CELF4: variants seen among roughly 807,000 people sequenced by gnomAD.
CELF4 encodes CUG-BP- and ETR-3-like factor 4.
A neutral mutation model predicts 59.9 loss-of-function variants in CELF4; 18 were observed. The observed-to-expected ratio is 0.30, with a 90% confidence interval of 0.21 to 0.45. The LOEUF is 0.45. Ranked by LOEUF, CELF4 falls within the 20% of genes least tolerant of loss-of-function variation. CELF4 has a pLI of 1.00. For missense variants in CELF4, 456 were observed against 689.0 expected, an observed-to-expected ratio of 0.66 and a Z score of 3.79; for synonymous variants, 261 against 267.1, an observed-to-expected ratio of 0.98 and a Z score of 0.22.
intron 1 of CELF4, among the ~76,000 whole-genome samples, chr18:37,507,344 C>T (rs540982321): frequency 2.5e-3 from 381 of 152,260 alleles, no homozygotes; most frequent in African/African-American, 8.4e-3. Flanking sequence ...GGTTGTTATT[C>T]GGGACAGAAA....
chr18:37,322,864 C>A (rs1338712872), intron 2 of CELF4, among the ~76,000 whole-genome samples: 1 of 152,180 alleles, frequency 6.6e-6, no homozygotes, highest in Non-Finnish European at 1.5e-5. Flanking sequence ...GGGGCAGGTA[C>A]AAACACCCCC....
intron 2 of CELF4, among the ~76,000 whole-genome samples, chr18:37,373,907 C>T (rs2098934218): frequency 6.6e-6 from 1 of 152,212 alleles, no homozygotes; most frequent in Admixed American, 6.5e-5. Context: ...CTCCCAGCAG[C>T]CAGATGATCT....
intron 2 of CELF4, among the ~76,000 whole-genome samples, chr18:37,467,181 G>T (rs1475463529): frequency 6.6e-6 from 1 of 152,170 alleles, no homozygotes; most frequent in Non-Finnish European, 1.5e-5. Context: ...TCCCTGCCCT[G>T]CCTAGTACAC....
At chr18:37,562,282 CCTT>C (rs2099986778) in intron 1 of CELF4, among the ~76,000 whole-genome samples, 2 of 152,166 alleles carry the variant, frequency 1.3e-5, no homozygotes, top group Admixed American at 1.3e-4. Flanking sequence ...AGAACTCCTT[CCTT>C]CTTTAGATAT....
At chr18:37,483,739 C>T (rs41534145) in intron 2 of CELF4, among the ~76,000 whole-genome samples, 1 of 152,302 alleles carries the variant, frequency 6.6e-6, no homozygotes, top group East Asian at 1.9e-4. Context: ...CTTCTTTAAT[C>T]TGGCAGGCCC....
At chr18:37,538,293 G>T (rs2099975226) in intron 1 of CELF4, among the ~76,000 whole-genome samples, 1 of 152,184 alleles carries the variant, frequency 6.6e-6, no homozygotes. Flanking sequence ...TTCTTCACTG[G>T]CTGTGTAGCC....
chr18:37,554,245 G>T (rs919344366), intron 1 of CELF4, among the ~76,000 whole-genome samples: 1 of 152,180 alleles, frequency 6.6e-6, no homozygotes, highest in East Asian at 1.9e-4. Context: ...GCTGGGTTGT[G>T]TGCACTGGGG....
At chr18:37,362,985 A>C (rs142780111) in intron 2 of CELF4, among the ~76,000 whole-genome samples, 1 of 152,156 alleles carries the variant, frequency 6.6e-6, no homozygotes, top group East Asian at 1.9e-4. Context: ...GTCTCTCTAG[A>C]TTCTTCTGGT....
At chr18:37,490,423 G>A (rs2099897959) in intron 1 of CELF4, among the ~76,000 whole-genome samples, 1 of 152,232 alleles carries the variant, frequency 6.6e-6, no homozygotes, top group African/African-American at 2.4e-5. Context: ...GAAATGAAAA[G>A]GAGGTGGGTG....
At chr18:37,435,311 C>A (rs2099687489) in intron 2 of CELF4, among the ~76,000 whole-genome samples, 1 of 152,198 alleles carries the variant, frequency 6.6e-6, no homozygotes, top group Non-Finnish European at 1.5e-5. Context: ...TGTGACCAGC[C>A]TGCAGCCCAT....
intron 2 of CELF4, among the ~76,000 whole-genome samples, chr18:37,380,679 A>G (rs1237593338): frequency 6.8e-6 from 1 of 147,812 alleles, no homozygotes; most frequent in African/African-American, 2.5e-5. Flanking sequence ...TGATTTAGTC[A>G]TCCATCCATC....
chr18:37,271,979 C>T (rs1257584318), intron 7 of CELF4, among the ~76,000 whole-genome samples: 2 of 152,170 alleles, frequency 1.3e-5, no homozygotes, highest in Non-Finnish European at 2.9e-5. Context: ...CTGAGGTTGG[C>T]CACTGCCTGG....
chr18:37,544,528 A>C (rs898805583), intron 1 of CELF4, among the ~76,000 whole-genome samples: 4 of 152,172 alleles, frequency 2.6e-5, no homozygotes, highest in Middle Eastern at 3.2e-3. Context: ...CACCATTGAA[A>C]ACAAAGAACT....
At chr18:37,538,528 G>C (rs774880110) in intron 1 of CELF4, among the ~76,000 whole-genome samples, 1 of 152,066 alleles carries the variant, frequency 6.6e-6, no homozygotes, top group South Asian at 2.1e-4. Context: ...CACCCACAAC[G>C]CTGTCTTTAC....
intron 1 of CELF4, among the ~76,000 whole-genome samples, chr18:37,487,830 T>A (rs1475998793): frequency 6.6e-6 from 1 of 152,164 alleles, no homozygotes; most frequent in Non-Finnish European, 1.5e-5. Flanking sequence ...AAGAAAAGGA[T>A]TCCAGAGGAA....
At chr18:37,418,301 G>C (rs2099545890) in intron 2 of CELF4, among the ~76,000 whole-genome samples, 1 of 152,192 alleles carries the variant, frequency 6.6e-6, no homozygotes, top group African/African-American at 2.4e-5. Context: ...ACTTGGTCAA[G>C]CACGGGCAGG....
chr18:37,408,494 G>GGC (rs1557416130), intron 2 of CELF4, among the ~76,000 whole-genome samples: 1 of 49,120 alleles, frequency 2.0e-5, no homozygotes, highest in African/African-American at 4.7e-5. Context: ...GTTGGTGCCG[G>GGC]GGGGGGGCGC....
chr18:37,343,595 G>A (rs1465158260), intron 2 of CELF4, among the ~76,000 whole-genome samples: 1 of 151,856 alleles, frequency 6.6e-6, no homozygotes. Context: ...GTGGGGTTGC[G>A]TGTGTATATG....
intron 3 of CELF4, among the ~76,000 whole-genome samples, chr18:37,292,405 T>C (rs1017281933): frequency 6.6e-6 from 1 of 152,212 alleles, no homozygotes; most frequent in Non-Finnish European, 1.5e-5. Context: ...AGATGTGAGA[T>C]GGCTCAGGGC....
Sources: allele counts gnomAD v4.1 joint callset (sites outside exome capture counted in the v4.1 genomes callset), GRCh38; gene constraint gnomAD v4.1.1; transcripts MANE v1.5; gene names NCBI Gene and HGNC (gene_info 2026-07-23, HGNC 2026-07-21).